Variants in PLEKHS1 observed in about 807,000 individuals in gnomAD.
The protein encoded by PLEKHS1 is pleckstrin homology domain containing S1.
A neutral mutation model predicts 51.0 loss-of-function variants in PLEKHS1; 55 were observed. That is an observed-to-expected ratio of 1.08 (90% CI 0.87 to 1.35). The LOEUF is 1.35. Ranked by LOEUF, PLEKHS1 falls within the 40% of genes most tolerant of loss-of-function variation. The pLI is 0.00. For synonymous variants in PLEKHS1, 153 were observed against 144.8 expected, an observed-to-expected ratio of 1.06 and a Z score of -0.41; for missense variants, 398 against 423.0, an observed-to-expected ratio of 0.94 and a Z score of 0.52.
intron 1 of PLEKHS1, among the ~76,000 whole-genome samples, chr10:113,754,255 C>T (rs60797939): frequency 0.011 from 1,717 of 152,294 alleles, 36 homozygotes; most frequent in African/African-American, 0.039. Context: ...TCTGCTTCCT[C>T]CCCCATCTTA....
At chr10:113,751,952 G>T (rs1853861297) in intron 1 of PLEKHS1, among the ~76,000 whole-genome samples, 191 bp downstream of exon 1, 1 of 152,158 alleles carries the variant, frequency 6.6e-6, no homozygotes, top group Non-Finnish European at 1.5e-5. Flanking sequence ...TGACCTCTTG[G>T]TATACTGTAT....
At chr10:113,759,143 C>T (rs1056362787) in intron 2 of PLEKHS1, among the ~76,000 whole-genome samples, 2 of 152,184 alleles carry the variant, frequency 1.3e-5, no homozygotes, top group Non-Finnish European at 2.9e-5. Flanking sequence ...GTGGCTCACG[C>T]CTGTAATCCT....
chr10:113,777,507 T>C, intron 11 of PLEKHS1: 2 of 1,567,018 alleles, frequency 1.3e-6, no homozygotes, highest in African/African-American at 1.3e-5. Flanking sequence ...CGGCATGATG[T>C]AGCAAAAAGA....
chr10:113,777,642 G>A, intron 11 of PLEKHS1: 2 of 1,530,850 alleles, frequency 1.3e-6, no homozygotes, highest in Non-Finnish European at 1.8e-6. Context: ...ATTAAATGAG[G>A]TAATATGTGT....
chr10:113,762,383 T>G (rs893414040), intron 2 of PLEKHS1, among the ~76,000 whole-genome samples: 2 of 148,964 alleles, frequency 1.3e-5, no homozygotes, highest in African/African-American at 4.9e-5. Flanking sequence ...TTTTTTTTTT[T>G]TTTCAGTTTA....
chr10:113,763,701 T>A (rs1282318842), intron 2 of PLEKHS1, among the ~76,000 whole-genome samples: 1 of 152,222 alleles, frequency 6.6e-6, no homozygotes, highest in African/African-American at 2.4e-5. Flanking sequence ...AAAAGAACTT[T>A]ACAAAAGCGT....
intron 2 of PLEKHS1, among the ~76,000 whole-genome samples, chr10:113,762,365 C>CTTTTTTT (rs34457408): frequency 4.9e-5 from 3 of 61,782 alleles, no homozygotes; most frequent in South Asian, 8.1e-4. Context: ...AGATTTGTTC[C>CTTTTTTT]TTTTTTTTTT....
At chr10:113,775,836 T>G in exon 11 of PLEKHS1, 1 of 1,612,968 alleles carries the variant, frequency 6.2e-7, no homozygotes, top group African/African-American at 1.3e-5. Flanking sequence ...ATCAACTATC[T>G]TGCTCTCACA....
chr10:113,758,451 G>A (rs1282240030), intron 2 of PLEKHS1, among the ~76,000 whole-genome samples: 2 of 152,000 alleles, frequency 1.3e-5, no homozygotes, highest in African/African-American at 4.8e-5. Flanking sequence ...CTAAGTAGCA[G>A]GTCTCTGCAG....
chr10:113,763,678 A>G (rs1006973853), intron 2 of PLEKHS1, among the ~76,000 whole-genome samples: 3 of 152,212 alleles, frequency 2.0e-5, no homozygotes, highest in Admixed American at 1.3e-4. Context: ...TAGTATACCA[A>G]TTCACATATA....
chr10:113,770,382 T>C (rs1379355385), intron 7 of PLEKHS1, among the ~76,000 whole-genome samples: 1 of 152,202 alleles, frequency 6.6e-6, no homozygotes, highest in Non-Finnish European at 1.5e-5. Context: ...TCTAATGAAA[T>C]CCATTTGAAG....
chr10:113,764,473 T>C (rs1365096804), intron 2 of PLEKHS1, among the ~76,000 whole-genome samples: 1 of 152,186 alleles, frequency 6.6e-6, no homozygotes, highest in Non-Finnish European at 1.5e-5. Context: ...GTTTCTTGTC[T>C]TTTTTCTGTA....
chr10:113,775,745 T>C lies in PLEKHS1; in HGVS notation c.990-20T>C, dbSNP rs914362126. ...AAGGTCAGTTGCCTGATGTGACTTT[T>C]ACAAATGTCTTGTTCATAGTAATAT... On this transcript the variant is annotated intron_variant, in intron 10 of 11. Coordinates refer to ENST00000361048, the Ensembl canonical transcript of PLEKHS1. 3 of 1,588,750 alleles carry C rather than the reference T, an allele frequency of 1.9e-6. No homozygotes were observed. Among genetic ancestry groups the C allele is most frequent in the Non-Finnish European group, 2.6e-6 (3 of 1,161,268 alleles).
intron 2 of PLEKHS1, among the ~76,000 whole-genome samples, chr10:113,758,812 T>G (rs1163594645): frequency 6.6e-6 from 1 of 152,056 alleles, no homozygotes; most frequent in Non-Finnish European, 1.5e-5. Flanking sequence ...ATGGGCACCA[T>G]TCATACTGTC....
intron 2 of PLEKHS1, among the ~76,000 whole-genome samples, chr10:113,765,553 T>C (rs1012947396): frequency 1.3e-5 from 2 of 152,236 alleles, no homozygotes; most frequent in African/African-American, 2.4e-5. Context: ...CCACTCACTA[T>C]TGAAAACGGG....
intron 2 of PLEKHS1, 33 bp downstream of exon 2, chr10:113,755,338 T>C: frequency 6.3e-7 from 1 of 1,596,682 alleles, no homozygotes; most frequent in South Asian, 1.1e-5. Flanking sequence ...GAAGCAGAAA[T>C]CTTTTTATTG....
At chr10:113,763,784 C>A (rs909542327) in intron 2 of PLEKHS1, among the ~76,000 whole-genome samples, 3 of 152,144 alleles carry the variant, frequency 2.0e-5, no homozygotes, top group Non-Finnish European at 4.4e-5. Context: ...TTATAATCTG[C>A]ACAATACATT....
chr10:113,759,005 T>C (rs1384248809), intron 2 of PLEKHS1, among the ~76,000 whole-genome samples: 1 of 151,446 alleles, frequency 6.6e-6, no homozygotes, highest in Admixed American at 6.6e-5. Context: ...AACCTTCAAT[T>C]TGTAAATAAA....
intron 2 of PLEKHS1, among the ~76,000 whole-genome samples, chr10:113,761,326 T>C (rs879890728): frequency 5.3e-5 from 8 of 152,156 alleles, no homozygotes; most frequent in Non-Finnish European, 1.0e-4. Context: ...AAAAATGCCA[T>C]TGGGATTTTA....
Sources: gnomAD v4.1 joint callset for allele counts (sites outside exome capture counted in the v4.1 genomes callset) on GRCh38, gnomAD v4.1.1 for gene constraint, MANE v1.5 for transcripts, NCBI Gene and HGNC (gene_info 2026-07-23, HGNC 2026-07-21) for gene names.